The following PIGL variants were observed in gnomAD, a reference collection of about 807,000 sequenced individuals.
The protein encoded by PIGL is N-acetylglucosaminyl-phosphatidylinositol de-N-acetylase.
PIGL carries 22 observed loss-of-function variants against 31.1 expected under a neutral mutation model. The observed-to-expected ratio is 0.71, with a 90% CI of 0.51 to 1.01. PIGL has a LOEUF of 1.01. Among genes scored for constraint, PIGL ranks in the 50% least tolerant of loss-of-function variants. The pLI is 0.00. For synonymous variants in PIGL, 131 were observed against 117.4 expected (o/e 1.12, Z -0.75); for missense variants, 302 against 315.9 (o/e 0.96, Z 0.33).
intron 3 of PIGL, among the ~76,000 whole-genome samples, chr17:16,311,993 G>GT (rs1424595870): frequency 2.0e-5 from 3 of 152,058 alleles, no homozygotes; most frequent in African/African-American, 7.2e-5. Flanking sequence ...AGACGGGGTG[G>GT]TGGCCGGGCA....
intron 2 of PIGL, among the ~76,000 whole-genome samples, chr17:16,269,648 CAA>C (rs746630809): frequency 6.6e-5 from 4 of 61,044 alleles, no homozygotes; most frequent in Non-Finnish European, 6.9e-5. Flanking sequence ...GACTCCGTCT[CAA>C]AAAAAAAAAA....
At chr17:16,288,514 T>C (rs2092947319) in intron 2 of PIGL, among the ~76,000 whole-genome samples, 1 of 151,004 alleles carries the variant, frequency 6.6e-6, no homozygotes, top group South Asian at 2.1e-4. Flanking sequence ...CTATTACTAT[T>C]ATTCTTTTTT....
intron 1 of PIGL, among the ~76,000 whole-genome samples, chr17:16,221,109 G>A (rs1033408704): frequency 6.6e-6 from 1 of 152,160 alleles, no homozygotes; most frequent in African/African-American, 2.4e-5. Flanking sequence ...AGGAAATAAT[G>A]AAAGACAATA....
At chr17:16,291,506 C>CAAAA (rs71150287) in intron 2 of PIGL, among the ~76,000 whole-genome samples, 1 of 99,766 alleles carries the variant, frequency 1.0e-5, no homozygotes, top group African/African-American at 3.6e-5. Context: ...GACTCTGGCT[C>CAAAA]AAAAAAAAAA....
At chr17:16,237,430 A>T (rs2092703953) in intron 2 of PIGL, among the ~76,000 whole-genome samples, 6 of 151,812 alleles carry the variant, frequency 4.0e-5, no homozygotes, top group Admixed American at 3.9e-4. Flanking sequence ...TAAAGGAAAA[A>T]AATCAGAAAT....
intron 2 of PIGL, among the ~76,000 whole-genome samples, chr17:16,236,405 C>T (rs1229709598): frequency 1.3e-5 from 2 of 151,896 alleles, no homozygotes; most frequent in Non-Finnish European, 2.9e-5. Context: ...TTATGATTTC[C>T]TTCCTTTCTT....
chr17:16,266,911 G>A (rs987150144), intron 2 of PIGL, among the ~76,000 whole-genome samples: 2 of 147,636 alleles, frequency 1.4e-5, no homozygotes, highest in African/African-American at 2.5e-5. Flanking sequence ...TTTTTTGGGG[G>A]GGGGGGGGTT....
At chr17:16,281,940 C>T in intron 2 of PIGL, 1 of 430,856 alleles carries the variant, frequency 2.3e-6, no homozygotes, top group African/African-American at 2.0e-5. Flanking sequence ...CCTGTAAGAC[C>T]CATCCTCAGA....
chr17:16,223,554 G>A (rs2092638893), intron 1 of PIGL, among the ~76,000 whole-genome samples: 1 of 151,936 alleles, frequency 6.6e-6, no homozygotes, highest in Non-Finnish European at 1.5e-5. Flanking sequence ...TTCAGCCTGA[G>A]CGACAGAGCT....
intron 1 of PIGL, among the ~76,000 whole-genome samples, chr17:16,230,221 T>G (rs2092672778): frequency 6.6e-6 from 1 of 152,106 alleles, no homozygotes. Flanking sequence ...GATCTAGCTC[T>G]CTTAGTTTCA....
intron 4 of PIGL, 58 bp from the exon 5 acceptor site, chr17:16,316,623 G>C: frequency 6.5e-7 from 1 of 1,534,650 alleles, no homozygotes; most frequent in Non-Finnish European, 8.9e-7. Context: ...GGCCCCTCCT[G>C]TTACCTACAA....
chr17:16,318,288 G>C (rs1394891899), intron 6 of PIGL, among the ~76,000 whole-genome samples: 1 of 124,712 alleles, frequency 8.0e-6, no homozygotes, highest in Non-Finnish European at 1.7e-5. Context: ...TTTTTTTTTT[G>C]AGACGGAGTT....
At chr17:16,291,383 T>TGA (rs57014279) in intron 2 of PIGL, among the ~76,000 whole-genome samples, 6,430 of 151,406 alleles carry the variant, frequency 0.042, 446 homozygotes, top group African/African-American at 0.15. Flanking sequence ...GGCGGGCACC[T>TGA]GTAGTCCCAG....
At position 16,229,858 on chromosome 17, in the gene PIGL, A is replaced by ATTTTTTTTTTT. The variant is rs71150280; in HGVS notation, c.236-4101_236-4091dup. 1.1e-4 allele frequency among the ~76,000 whole-genome samples: 11 copies of ATTTTTTTTTTT among 97,700 alleles called. 1 individual carries two copies. The highest frequency in any genetic ancestry group is 1.4e-4 in the Admixed American group (1 of 6,908). The allele number at this position is 97,700 out of a possible 152,430, so 64.1% of individuals were successfully genotyped here. A position where few individuals can be genotyped will look rare whatever the true frequency, so the allele number is the denominator to read the frequency against. On this transcript the variant is annotated intron_variant, in intron 1 of 6. Transcript: ENST00000225609. ...ATTCTAGTTTCATTTTAAAGTCATGATTTTTTTTTTTTTTTTTTTTTTGAG... is the reference window on the plus strand; with the variant it reads ...ATTCTAGTTTCATTTTAAAGTCATGATTTTTTTTTTTTTTTTTTTTTTTTTTTTTTTTTGAG...
intron 2 of PIGL, among the ~76,000 whole-genome samples, chr17:16,286,151 G>C (rs1011878014): frequency 6.6e-6 from 1 of 152,248 alleles, no homozygotes; most frequent in Non-Finnish European, 1.5e-5. Context: ...CTTCCGGCTT[G>C]CGCTGTACAA....
At chr17:16,220,631 G>A (rs1485743935) in intron 1 of PIGL, among the ~76,000 whole-genome samples, 2 of 151,638 alleles carry the variant, frequency 1.3e-5, no homozygotes, top group Non-Finnish European at 2.9e-5. Flanking sequence ...GGGATTACAG[G>A]CATTCACCGC....
intron 2 of PIGL, among the ~76,000 whole-genome samples, chr17:16,264,599 CATTATTATTATTATT>C (rs67790275): frequency 0.033 from 4,784 of 143,932 alleles, 103 homozygotes; most frequent in East Asian, 0.061. Flanking sequence ...AACACATCGT[CATTATTATTATTATT>C]ATTATTATTA....
At chr17:16,283,819 C>G (rs1260224114) in intron 2 of PIGL, among the ~76,000 whole-genome samples, 1 of 152,218 alleles carries the variant, frequency 6.6e-6, no homozygotes, top group African/African-American at 2.4e-5. Flanking sequence ...ACCCACTTAA[C>G]TTCAATCAGA....
At chr17:16,250,005 G>A (rs901821338) in intron 2 of PIGL, among the ~76,000 whole-genome samples, 1 of 152,202 alleles carries the variant, frequency 6.6e-6, no homozygotes. Flanking sequence ...GGAGTGCAGT[G>A]ACATGATTTT....
Sources: gnomAD v4.1 joint callset for allele counts (sites outside exome capture counted in the v4.1 genomes callset) on GRCh38, gnomAD v4.1.1 for gene constraint, MANE v1.5 for transcripts, NCBI Gene and HGNC (gene_info 2026-07-23, HGNC 2026-07-21) for gene names.